Variants in GALNTL6 observed in about 807,000 individuals in gnomAD.
GALNTL6 encodes polypeptide N-acetylgalactosaminyltransferase like 6.
Under a neutral mutation model 73.7 loss-of-function variants are expected in GALNTL6, and 46 were observed. The ratio of observed to expected loss-of-function variants is 0.62; its 90% CI spans 0.49 to 0.80. The LOEUF is 0.80. Ranked by LOEUF, GALNTL6 falls within the 30% of genes least tolerant of loss-of-function variation. The pLI, the probability that GALNTL6 is intolerant of heterozygous loss-of-function variation, is 0.00. For missense variants in GALNTL6, 604 were observed against 755.0 expected (o/e 0.80, Z 2.34); for synonymous variants, 259 against 263.7 (o/e 0.98, Z 0.17).
intron 5 of GALNTL6, among the ~76,000 whole-genome samples, chr4:172,671,493 T>G (rs1419658189): frequency 6.6e-6 from 1 of 152,196 alleles, no homozygotes; most frequent in Admixed American, 6.5e-5. Context: ...ATGCCAATAA[T>G]TTTTGCATAT....
chr4:172,069,898 A>G (rs1168666131), intron 2 of GALNTL6, among the ~76,000 whole-genome samples: 1 of 108,162 alleles, frequency 9.2e-6, no homozygotes, highest in Non-Finnish European at 2.0e-5. Context: ...GAAATAAACC[A>G]GTACATTTAT....
intron 5 of GALNTL6, among the ~76,000 whole-genome samples, chr4:172,401,512 A>C (rs1744036696): frequency 6.6e-6 from 1 of 152,148 alleles, no homozygotes; most frequent in South Asian, 2.1e-4. Context: ...CTCACCATAA[A>C]AAATTTCCCA....
rs34332250 is a variant in GALNTL6, at chr4:172,346,988, CTTTTTTTT to C, written c.387-1523_387-1516del. Reference sequence around the variant, plus strand: ...TTTTTTCTTTTCTTTTGTTTTCTTTCTTTTTTTTTTTTTTTTTTTGAGACAGTCTCACT... The same window carrying C: ...TTTTTTCTTTTCTTTTGTTTTCTTTCTTTTTTTTTTTGAGACAGTCTCACT... On this transcript the variant is annotated intron_variant, in intron 4 of 12. Coordinates refer to ENST00000506823, the MANE Select transcript of GALNTL6 (RefSeq NM_001034845.3). Among the ~76,000 whole-genome samples, 9 of 114,410 alleles carry C rather than the reference CTTTTTTTT, an allele frequency of 7.9e-5. No individual in the cohort carries two copies. The Admixed American group carries it at 8.7e-4, about 11-fold the overall frequency. The allele number at this position is 114,410 out of a possible 152,430, so 75.1% of individuals were successfully genotyped here. A position where few individuals can be genotyped will look rare whatever the true frequency, so the allele number is the denominator to read the frequency against.
intron 7 of GALNTL6, among the ~76,000 whole-genome samples, chr4:172,863,747 A>C (rs1744515602): frequency 6.6e-6 from 1 of 152,160 alleles, no homozygotes; most frequent in Non-Finnish European, 1.5e-5. Flanking sequence ...AAATGAGTTA[A>C]GATATTGGGG....
intron 7 of GALNTL6, among the ~76,000 whole-genome samples, chr4:172,861,666 C>A (rs924462193): frequency 2.6e-5 from 4 of 152,158 alleles, no homozygotes; most frequent in Non-Finnish European, 1.5e-5. Flanking sequence ...GGGAGGGACC[C>A]AGTGGGAGGT....
intron 5 of GALNTL6, among the ~76,000 whole-genome samples, chr4:172,679,697 C>A (rs1244400308): frequency 6.6e-6 from 1 of 152,146 alleles, no homozygotes; most frequent in East Asian, 1.9e-4. Context: ...GTGCATAGTT[C>A]ATATACATTG....
Position 172,577,440 on chromosome 4 carries a change from G to A in GALNTL6, c.553+228751G>A, listed in dbSNP as rs144224471. ...TATTTATATTTCCAGAAAATTGGTC[G>A]ACATAACATCACTGTATAATATATG... is the stretch of plus-strand genomic sequence containing the variant. On this transcript the variant is annotated intron_variant, in intron 5 of 12. Transcript: ENST00000506823. Among the ~76,000 whole-genome samples the A allele has an allele frequency of 7.1e-4, 108 of 152,180 alleles. 2 individuals carry two copies. Among genetic ancestry groups the A allele is most frequent in the African/African-American group, 2.5e-3 (104 of 41,518 alleles).
chr4:172,123,995 A>G (rs1733224099), intron 2 of GALNTL6, among the ~76,000 whole-genome samples: 1 of 152,156 alleles, frequency 6.6e-6, no homozygotes, highest in Admixed American at 6.5e-5. Context: ...AGTCTTTTAC[A>G]TGCATCTGAA....
intron 2 of GALNTL6, among the ~76,000 whole-genome samples, chr4:171,917,036 G>A (rs1054454687): frequency 7.2e-5 from 11 of 152,100 alleles, no homozygotes; most frequent in South Asian, 2.1e-4. Flanking sequence ...TTTCTACCCC[G>A]TGTATCTCTT....
chr4:172,456,283 A>C (rs1232007860), intron 5 of GALNTL6, among the ~76,000 whole-genome samples: 2 of 152,070 alleles, frequency 1.3e-5, no homozygotes, highest in Non-Finnish European at 2.9e-5. Flanking sequence ...AAAAACCAGA[A>C]CACCTCTTCT....
intron 3 of GALNTL6, among the ~76,000 whole-genome samples, chr4:172,240,988 G>T (rs1469537665): frequency 6.6e-6 from 1 of 152,124 alleles, no homozygotes; most frequent in African/African-American, 2.4e-5. Flanking sequence ...CTTTAACTGT[G>T]GTGTAATTTG....
At chr4:172,026,468 G>A (rs1741582715) in intron 2 of GALNTL6, among the ~76,000 whole-genome samples, 1 of 152,138 alleles carries the variant, frequency 6.6e-6, no homozygotes, top group Non-Finnish European at 1.5e-5. Context: ...TACATAGCCA[G>A]TAGCCACATG....
At chr4:172,226,911 C>G (rs572457998) in intron 2 of GALNTL6, among the ~76,000 whole-genome samples, 1 of 152,208 alleles carries the variant, frequency 6.6e-6, no homozygotes, top group African/African-American at 2.4e-5. Flanking sequence ...AGGAACTTTT[C>G]TTAAAGTTCT....
rs150430002 is a variant in GALNTL6, at chr4:171,877,926, T to A, written c.138+63208T>A. ...ATAAACAAGCAAAATGAGACTCATC[T>A]GTCTCAGTTGCAAAATGAAACACTC... is the stretch of plus-strand genomic sequence containing the variant. On this transcript the variant is annotated intron_variant, in intron 2 of 12. Transcript: ENST00000506823. Among the ~76,000 whole-genome samples, 208 of 152,358 alleles carry A rather than the reference T, an allele frequency of 1.4e-3. 1 individual carries two copies. Among genetic ancestry groups the A allele is most frequent in the African/African-American group, 4.8e-3 (198 of 41,596 alleles).
intron 4 of GALNTL6, among the ~76,000 whole-genome samples, chr4:172,330,189 C>T (rs924278845): frequency 6.6e-6 from 1 of 152,194 alleles, no homozygotes; most frequent in African/African-American, 2.4e-5. Context: ...ACCGCTTTTG[C>T]TGAGAAGCCC....
At chr4:172,009,344 C>T (rs537600761) in intron 2 of GALNTL6, among the ~76,000 whole-genome samples, 1 of 152,130 alleles carries the variant, frequency 6.6e-6, no homozygotes, top group African/African-American at 2.4e-5. Context: ...GGTTGTTGCT[C>T]CTAGCCTGGC....
chr4:172,028,634 G>A (rs1741668086), intron 2 of GALNTL6, among the ~76,000 whole-genome samples: 1 of 151,774 alleles, frequency 6.6e-6, no homozygotes, highest in Non-Finnish European at 1.5e-5. Context: ...CTTTTTTAAC[G>A]GTCATTGGTT....
chr4:172,573,493 C>T (rs1424692425), intron 5 of GALNTL6, among the ~76,000 whole-genome samples: 2 of 151,978 alleles, frequency 1.3e-5, no homozygotes, highest in Admixed American at 6.6e-5. Context: ...TTTCTCACTC[C>T]CAAGGATTTG....
chr4:172,432,549 T>A (rs1731493095), intron 5 of GALNTL6, among the ~76,000 whole-genome samples: 1 of 152,020 alleles, frequency 6.6e-6, no homozygotes, highest in Non-Finnish European at 1.5e-5. Flanking sequence ...CCAAATTAAG[T>A]CCCAAGGATT....
Sources: allele counts gnomAD v4.1 joint callset (sites outside exome capture counted in the v4.1 genomes callset), GRCh38; gene constraint gnomAD v4.1.1; transcripts MANE v1.5; gene names NCBI Gene and HGNC (gene_info 2026-07-23, HGNC 2026-07-21).